The following PHF21B variants were observed in gnomAD, a reference collection of about 807,000 sequenced individuals.
PHF21B encodes PHD finger protein 21B.
A neutral mutation model predicts 62.2 loss-of-function variants in PHF21B; 22 were observed. The ratio of observed to expected loss-of-function variants is 0.35; its 90% CI spans 0.25 to 0.51. PHF21B has a LOEUF of 0.51. Among genes scored for constraint, PHF21B ranks in the 20% least tolerant of loss-of-function variants. The probability of loss-of-function intolerance (pLI) is 0.97; values close to 1 mark genes in which losing one functional copy is unlikely to be tolerated. For synonymous variants in PHF21B, 341 were observed against 314.7 expected (o/e 1.08, Z -0.88); for missense variants, 701 against 707.9 (o/e 0.99, Z 0.11).
intron 2 of PHF21B, among the ~76,000 whole-genome samples, chr22:44,927,894 T>TA (rs994077804): frequency 9.2e-5 from 14 of 151,598 alleles, no homozygotes; most frequent in Non-Finnish European, 1.0e-4. Flanking sequence ...TAATAGGGGG[T>TA]AAAAAACGGG....
chr22:44,895,773 G>C (rs1569212445), intron 6 of PHF21B, among the ~76,000 whole-genome samples: 3 of 152,158 alleles, frequency 2.0e-5, no homozygotes, highest in East Asian at 3.9e-4. Flanking sequence ...AGTCTGGAAG[G>C]CTTCTCTGTC....
intron 5 of PHF21B, among the ~76,000 whole-genome samples, chr22:44,899,283 T>C (rs1272993539): frequency 1.5e-5 from 2 of 136,146 alleles, no homozygotes; most frequent in Non-Finnish European, 3.1e-5. Context: ...TCTGTTCTTA[T>C]TCTTTTTTTT....
intron 1 of PHF21B, 68 bp from the exon 2 acceptor site, chr22:45,008,678 C>T: frequency 7.8e-7 from 1 of 1,290,016 alleles, no homozygotes; most frequent in Non-Finnish European, 1.0e-6. Context: ...GCACCGCGGG[C>T]CGCGGCACCC....
intron 6 of PHF21B, among the ~76,000 whole-genome samples, chr22:44,894,085 CCT>C (rs2071015620): frequency 6.6e-6 from 1 of 152,236 alleles, no homozygotes; most frequent in South Asian, 2.1e-4. Context: ...CCATGACCTG[CCT>C]CTCTGTGTGC....
chr22:44,969,119 T>G (rs901917853), intron 2 of PHF21B: 1 of 152,238 alleles, frequency 6.6e-6, no homozygotes, highest in African/African-American at 2.4e-5. Context: ...TGGCATAGGG[T>G]TGGACGGACG....
chr22:44,958,104 A>G lies in PHF21B; in HGVS notation c.121-37614T>C, dbSNP rs969864013. Among the ~76,000 whole-genome samples, 8 of 151,974 alleles carry G rather than the reference A, an allele frequency of 5.3e-5. No individual in the cohort carries two copies. The South Asian group carries it at 8.3e-4, about 16-fold the overall frequency. ...TTTTTAATAGAGACGGGGTTTCTCCATTTGGTCAGGCTGGTCTCGAACTCC... is the reference window on the plus strand; with the variant it reads ...TTTTTAATAGAGACGGGGTTTCTCCGTTTGGTCAGGCTGGTCTCGAACTCC... On this transcript the variant is annotated intron_variant, in intron 2 of 12. Transcript: ENST00000313237.
intron 2 of PHF21B, among the ~76,000 whole-genome samples, chr22:44,979,425 G>A (rs2072797262): frequency 6.6e-6 from 1 of 152,244 alleles, no homozygotes; most frequent in Non-Finnish European, 1.5e-5. Flanking sequence ...GACAGGCGGG[G>A]CTGCAGGACT....
chr22:44,945,724 G>T (rs558316249), intron 2 of PHF21B, among the ~76,000 whole-genome samples: 15 of 34,190 alleles, frequency 4.4e-4, no homozygotes, highest in Non-Finnish European at 7.2e-5. Flanking sequence ...ATTGGGGGGG[G>T]GGTGGTATAA....
intron 2 of PHF21B, among the ~76,000 whole-genome samples, chr22:44,931,225 G>A (rs551796806): frequency 6.6e-6 from 1 of 152,326 alleles, no homozygotes; most frequent in Non-Finnish European, 1.5e-5. Context: ...CACCCGAAGA[G>A]TCACTTTCTA....
At position 44,980,106 on chromosome 22, in the gene PHF21B, A is replaced by T. The variant is rs139073256; in HGVS notation, c.120+28439T>A. On this transcript the variant is annotated intron_variant, in intron 2 of 12. Transcript: ENST00000313237. ...AAAAAAAAAAAAAAAAGGAAAGAAGAAGTAACCATTTCAAAGCCTACGAGG... is the reference window on the plus strand; with the variant it reads ...AAAAAAAAAAAAAAAAGGAAAGAAGTAGTAACCATTTCAAAGCCTACGAGG... Among the ~76,000 whole-genome samples the T allele has an allele frequency of 1.1e-4, 17 of 150,232 alleles. No homozygotes were observed. In the East Asian group the frequency reaches 1.6e-3, roughly 14 times the overall value.
chr22:44,909,236 G>T (rs1358815682), intron 5 of PHF21B, among the ~76,000 whole-genome samples: 2 of 152,220 alleles, frequency 1.3e-5, no homozygotes, highest in African/African-American at 4.8e-5. Context: ...TTGTATAAAT[G>T]CACAATAATT....
intron 3 of PHF21B, among the ~76,000 whole-genome samples, chr22:44,920,032 C>T (rs1394743622): frequency 6.7e-6 from 1 of 149,202 alleles, no homozygotes; most frequent in Non-Finnish European, 1.5e-5. Context: ...CTGACCATAA[C>T]CCATAGTCAA....
chr22:44,987,196 G>A lies in PHF21B; in HGVS notation c.120+21349C>T, dbSNP rs557643933. 1.1e-3 allele frequency among the ~76,000 whole-genome samples: 172 copies of A among 152,280 alleles called. 2 individuals are homozygous for A. Among genetic ancestry groups the A allele is most frequent in the African/African-American group, 4.1e-3 (169 of 41,544 alleles). The stretch of plus-strand genomic sequence containing the variant: ...GTCAGGGGGCTGCTGTAATATTTCC[G>A]GTGAAAGCTGCTGAGGGGTGAATGA... On this transcript the variant is annotated intron_variant, in intron 2 of 12. Transcript: ENST00000313237.
intron 2 of PHF21B, among the ~76,000 whole-genome samples, chr22:44,998,475 G>A (rs371339779): frequency 6.1e-4 from 93 of 152,268 alleles, no homozygotes; most frequent in African/African-American, 2.1e-3. Flanking sequence ...TCCCAACCCC[G>A]ACCGGGGCCT....
At chr22:44,935,352 C>T (rs1324175036) in intron 2 of PHF21B, among the ~76,000 whole-genome samples, 5 of 152,034 alleles carry the variant, frequency 3.3e-5, no homozygotes, top group East Asian at 1.9e-4. Flanking sequence ...CGGTGGCTCA[C>T]GCCTGTAATC....
At chr22:44,903,174 T>C (rs966663276) in intron 5 of PHF21B, among the ~76,000 whole-genome samples, 16 of 152,202 alleles carry the variant, frequency 1.1e-4, no homozygotes, top group Non-Finnish European at 2.2e-4. Context: ...ATTCTCTCTA[T>C]ATTATCTCAG....
intron 5 of PHF21B, among the ~76,000 whole-genome samples, chr22:44,905,271 G>A (rs1301853309): frequency 2.0e-5 from 3 of 152,248 alleles, no homozygotes; most frequent in East Asian, 1.9e-4. Flanking sequence ...CTCCATGCAC[G>A]GTATCCTATT....
At chr22:44,954,561 C>A (rs1386798802) in intron 2 of PHF21B, among the ~76,000 whole-genome samples, 1 of 152,262 alleles carries the variant, frequency 6.6e-6, no homozygotes, top group African/African-American at 2.4e-5. Flanking sequence ...CTGCATGAAG[C>A]CCTGTCTGCA....
chr22:44,948,363 C>T (rs1007995534), intron 2 of PHF21B, among the ~76,000 whole-genome samples: 6 of 152,084 alleles, frequency 3.9e-5, no homozygotes, highest in Non-Finnish European at 7.4e-5. Context: ...TCCATCATCT[C>T]GTTTTGGTTG....
Sources: gnomAD v4.1 joint callset for allele counts (sites outside exome capture counted in the v4.1 genomes callset) on GRCh38, gnomAD v4.1.1 for gene constraint, MANE v1.5 for transcripts, NCBI Gene and HGNC (gene_info 2026-07-23, HGNC 2026-07-21) for gene names.